Variants in TMTC2 observed in about 807,000 individuals in gnomAD.
TMTC2 encodes the protein transmembrane O-mannosyltransferase targeting cadherins 2, also known as protein O-mannosyl-transferase TMTC2.
Under a neutral mutation model 82.4 loss-of-function variants are expected in TMTC2, and 43 were observed. The ratio of observed to expected loss-of-function variants is 0.52; its 90% CI spans 0.41 to 0.67. The LOEUF is 0.67. Among genes scored for constraint, TMTC2 ranks in the 30% least tolerant of loss-of-function variants. The pLI, the probability that TMTC2 is intolerant of heterozygous loss-of-function variation, is 0.00. For missense variants in TMTC2, 919 were observed against 1,012.4 expected (o/e 0.91, Z 1.25); for synonymous variants, 408 against 381.9 (o/e 1.07, Z -0.80).
chr12:82,730,171 T>G (rs1874710321), intron 1 of TMTC2, among the ~76,000 whole-genome samples: 1 of 151,892 alleles, frequency 6.6e-6, no homozygotes, highest in South Asian at 2.1e-4. Flanking sequence ...GGCACGTGCC[T>G]GGAGTCCCAG....
chr12:82,870,952 CTT>C (rs1872143212), intron 2 of TMTC2, among the ~76,000 whole-genome samples: 1 of 152,160 alleles, frequency 6.6e-6, no homozygotes, highest in South Asian at 2.1e-4. Flanking sequence ...CTTTGATTCT[CTT>C]TCATTCTGCA....
intron 11 of TMTC2, among the ~76,000 whole-genome samples, chr12:83,099,022 A>G (rs1012495565): frequency 6.6e-6 from 1 of 152,224 alleles, no homozygotes; most frequent in Non-Finnish European, 1.5e-5. Context: ...TTTTAATGAA[A>G]TACTAGGCTG....
intron 11 of TMTC2, among the ~76,000 whole-genome samples, chr12:83,093,332 G>A (rs1279793910): frequency 6.6e-6 from 1 of 152,030 alleles, no homozygotes; most frequent in Non-Finnish European, 1.5e-5. Flanking sequence ...GACCAAAAAA[G>A]AAAAAAGAAC....
chr12:82,876,147 G>A (rs1156896927), intron 2 of TMTC2, among the ~76,000 whole-genome samples: 2 of 146,328 alleles, frequency 1.4e-5, no homozygotes, highest in South Asian at 2.1e-4. Flanking sequence ...TGGTGGTGGT[G>A]GTGGTGGTAG....
At chr12:82,735,162 C>T (rs117835641) in intron 1 of TMTC2, among the ~76,000 whole-genome samples, 1 of 152,082 alleles carries the variant, frequency 6.6e-6, no homozygotes, top group Admixed American at 6.5e-5. Context: ...ATGTTTAAAT[C>T]AAATCAATCA....
intron 4 of TMTC2, among the ~76,000 whole-genome samples, chr12:82,957,068 A>T (rs1397864502): frequency 6.6e-6 from 1 of 151,988 alleles, no homozygotes; most frequent in Admixed American, 6.6e-5. Flanking sequence ...CCAATAAACC[A>T]CCCAATATAC....
At chr12:82,921,878 G>A (rs1023818036) in intron 3 of TMTC2, among the ~76,000 whole-genome samples, 6 of 151,548 alleles carry the variant, frequency 4.0e-5, no homozygotes, top group African/African-American at 9.7e-5. Context: ...TGGGAGGATC[G>A]CTTGAGTTCA....
chr12:82,966,821 G>A, intron 6 of TMTC2, 98 bp from the exon 7 acceptor site: 2 of 812,686 alleles, frequency 2.5e-6, no homozygotes. Flanking sequence ...AATAGCAGTG[G>A]ATGGTTTTAA....
At chr12:82,916,903 A>T (rs1875033930) in intron 3 of TMTC2, among the ~76,000 whole-genome samples, 1 of 152,206 alleles carries the variant, frequency 6.6e-6, no homozygotes. Context: ...TGTTGTGATA[A>T]CATATGAATC....
chr12:82,879,689 A>G (rs1173912606), intron 2 of TMTC2, among the ~76,000 whole-genome samples: 1 of 152,222 alleles, frequency 6.6e-6, no homozygotes, highest in African/African-American at 2.4e-5. Flanking sequence ...CTCAGTAACA[A>G]CCTAGCCTTT....
At chr12:82,705,367 T>A (rs533516302) in intron 1 of TMTC2, among the ~76,000 whole-genome samples, 1 of 152,206 alleles carries the variant, frequency 6.6e-6, no homozygotes, top group African/African-American at 2.4e-5. Flanking sequence ...ATTGTCCTTA[T>A]ATACATGTCA....
chr12:82,903,813 T>A (rs1230084126), intron 3 of TMTC2, among the ~76,000 whole-genome samples: 1 of 152,222 alleles, frequency 6.6e-6, no homozygotes, highest in East Asian at 1.9e-4. Flanking sequence ...ATTATTACAG[T>A]CATAGTCCTT....
chr12:82,693,796 C>T (rs1289853389), intron 1 of TMTC2, among the ~76,000 whole-genome samples: 2 of 151,820 alleles, frequency 1.3e-5, no homozygotes, highest in South Asian at 2.1e-4. Flanking sequence ...GGTGAAACCT[C>T]GTCTCTACTA....
intron 3 of TMTC2, among the ~76,000 whole-genome samples, chr12:82,923,097 C>T (rs17010128): frequency 0.02 from 2,984 of 152,202 alleles, 102 homozygotes; most frequent in East Asian, 0.17. Context: ...ATGTCTGCCC[C>T]GGGCCACACT....
At chr12:83,104,101 A>G (rs1369499236) in intron 11 of TMTC2, among the ~76,000 whole-genome samples, 1 of 152,222 alleles carries the variant, frequency 6.6e-6, no homozygotes, top group Non-Finnish European at 1.5e-5. Context: ...ACACTGGTGC[A>G]AGGGATGAGT....
intron 7 of TMTC2, 104 bp from the exon 8 acceptor site, chr12:82,985,821 T>C (rs745383181): frequency 4.3e-6 from 6 of 1,400,248 alleles, no homozygotes; most frequent in Non-Finnish European, 4.8e-6. Context: ...TCCCACAGCA[T>C]CTGAAATTCC....
chr12:82,968,214 T>C (rs562340671), intron 7 of TMTC2, among the ~76,000 whole-genome samples: 1 of 152,300 alleles, frequency 6.6e-6, no homozygotes, highest in East Asian at 1.9e-4. Context: ...TGGAGTGTTT[T>C]TTAATTGTCA....
At chr12:82,852,195 G>A (rs1432744519) in intron 1 of TMTC2, among the ~76,000 whole-genome samples, 3 of 150,854 alleles carry the variant, frequency 2.0e-5, no homozygotes, top group East Asian at 3.9e-4. Context: ...TCCGCCTCCC[G>A]GGTTCACACC....
intron 11 of TMTC2, among the ~76,000 whole-genome samples, chr12:83,094,175 C>G (rs772216500): frequency 6.6e-6 from 1 of 152,192 alleles, no homozygotes; most frequent in East Asian, 1.9e-4. Flanking sequence ...CCAACATCCG[C>G]GTATGCCCTG....
Sources: gnomAD v4.1 joint callset for allele counts (sites outside exome capture counted in the v4.1 genomes callset) on GRCh38, gnomAD v4.1.1 for gene constraint, MANE v1.5 for transcripts, NCBI Gene and HGNC (gene_info 2026-07-23, HGNC 2026-07-21) for gene names.